The following ANKRD37 variants were observed in gnomAD, a reference collection of about 807,000 sequenced individuals.
ANKRD37 encodes the protein ankyrin repeat domain-containing protein 37.
Under a neutral mutation model 19.7 loss-of-function variants are expected in ANKRD37, and 17 were observed. That is an observed-to-expected ratio of 0.86 (90% CI 0.59 to 1.29). The LOEUF (loss-of-function observed/expected upper bound fraction) is 1.29, where lower values mean the gene tolerates loss of function less well. ANKRD37 is among the 50% of genes most tolerant of loss of function. The pLI is 0.00. For synonymous variants in ANKRD37, 79 were observed against 74.5 expected (o/e 1.06, Z -0.31); for missense variants, 207 against 190.4 (o/e 1.09, Z -0.51).
intron 2 of ANKRD37, 140 bp from the exon 3 acceptor site, chr4:185,398,794 CAAA>C (rs34434090): frequency 7.9e-3 from 1,992 of 251,838 alleles, no homozygotes; most frequent in Middle Eastern, 0.015. Flanking sequence ...TGTTCTCTGC[CAAA>C]AAAAAAAAAA....
chr4:185,399,775 T>A lies in ANKRD37; in HGVS notation c.476+2T>A, dbSNP rs2095510927. On this transcript the variant is annotated splice_donor_variant, in intron 4 of 4. Transcript: ENST00000335174. LOFTEE classifies it high-confidence loss of function. The stretch of plus-strand genomic sequence containing the variant: ...TACCAGTGGGAAAAGGAAGTGCTGG[T>A]AAGTAACTCAGAGCTGCTGCTTTTT... 2 of 1,613,956 alleles carry A rather than the reference T, an allele frequency of 1.2e-6. No homozygotes were observed. Among genetic ancestry groups the A allele is most frequent in the Non-Finnish European group, 1.7e-6 (2 of 1,179,960 alleles).
chr4:185,397,399 C>G, intron 2 of ANKRD37, 97 bp downstream of exon 2: 1 of 1,461,780 alleles, frequency 6.8e-7, no homozygotes, highest in Admixed American at 2.1e-5. Context: ...CTGTTAAAAA[C>G]ATGTCTATAG....
intron 2 of ANKRD37, chr4:185,397,600 T>G: frequency 6.1e-6 from 2 of 328,910 alleles, no homozygotes; most frequent in East Asian, 7.1e-5. Context: ...AAGCAATTGC[T>G]GATTAGATAT....
chr4:185,400,518 T>C, downstream of ANKRD37: 1 of 1,480,676 alleles, frequency 6.8e-7, no homozygotes, highest in South Asian at 1.2e-5. Context: ...TTTTACAAAG[T>C]TACAAGATTA....
chr4:185,399,502 T>C, intron 3 of ANKRD37, 68 bp from the exon 4 acceptor site: 1 of 1,484,408 alleles, frequency 6.7e-7, no homozygotes, highest in East Asian at 2.5e-5. Context: ...CAAAATTCCC[T>C]TGTAAGATAT....
chr4:185,397,220 C>G lies in ANKRD37; in HGVS notation c.98C>G (p.Ser33Trp), dbSNP rs776917043. 2 of 1,614,108 alleles carry G rather than the reference C, an allele frequency of 1.2e-6. No homozygotes were observed. The highest frequency in any genetic ancestry group is 8.5e-7 in the Non-Finnish European group (1 of 1,180,024). ...VNAPPDPCKQ[S>W]PVHLAAGSGL... ...GCACCCCCGGATCCCTGCAAGCAGT[C>G]GCCTGTCCACTTAGCCGCAGGAAGC... Residue 33 changes from serine to tryptophan, a missense_variant, in exon 2 of 5, where the codon TCG becomes TGG. By Grantham distance (177) the Ser-to-Trp change is radical. Coordinates refer to ENST00000335174, the MANE Select transcript of ANKRD37 (RefSeq NM_181726.4).
intron 2 of ANKRD37, 180 bp downstream of exon 2, chr4:185,397,482 G>A: frequency 2.5e-6 from 2 of 812,712 alleles, no homozygotes; most frequent in Non-Finnish European, 3.5e-6. Flanking sequence ...CTTGATGTGA[G>A]GACATGAGAA....
chr4:185,399,415 T>G, intron 3 of ANKRD37, 155 bp from the exon 4 acceptor site: 1 of 721,246 alleles, frequency 1.4e-6, no homozygotes, highest in Non-Finnish European at 2.3e-6. Flanking sequence ...TTGCTGAGGA[T>G]ACAATAGTGA....
chr4:185,397,500 GTTT>G, intron 2 of ANKRD37, 198 bp downstream of exon 2: 3 of 664,236 alleles, frequency 4.5e-6, no homozygotes, highest in Non-Finnish European at 4.6e-6. Flanking sequence ...GAAATTTGAA[GTTT>G]TTAAGTAGCC....
chr4:185,398,909 ACT>A (rs2095509521), intron 2 of ANKRD37, 26 bp from the exon 3 acceptor site: 1 of 1,583,186 alleles, frequency 6.3e-7, no homozygotes, highest in African/African-American at 1.4e-5. Context: ...TTTTTGGGAG[ACT>A]CTAAAATGCA....
Position 185,399,018 on chromosome 4 carries a change from G to A in ANKRD37, c.262G>A (p.Ala88Thr), listed in dbSNP as rs1239994414. The A allele has an allele frequency of 3.1e-6, 5 of 1,613,494 alleles. No individual in the cohort carries two copies. Among genetic ancestry groups the A allele is most frequent in the Non-Finnish European group, 4.2e-6 (5 of 1,179,668 alleles). The change falls in exon 3 of 5, where the codon GCC becomes ACC. Residue 88 changes from alanine (A) to threonine (T), a missense_variant. Physicochemically the swap from Ala to Thr is moderately conservative, Grantham distance 58. Coordinates refer to ENST00000335174, the MANE Select transcript of ANKRD37 (RefSeq NM_181726.4). ...CCTAAGCCTGCTTGTAGCCAGTGAT[G>A]CCCAAATTGAGTGAGTATGAAAACA... Reference protein sequence around the residue: ...ECLSLLVASDAQIDLCNKNGQ... With the variant: ...ECLSLLVASDTQIDLCNKNGQ...
In ANKRD37 at chr4:185,399,614, C is replaced by T. The variant is rs757623071; in HGVS notation, c.317C>T (p.Ser106Leu). 1 of 1,614,150 alleles carries T rather than the reference C, an allele frequency of 6.2e-7. No individual in the cohort carries two copies. Among genetic ancestry groups the T allele is most frequent in the South Asian group, 1.1e-5 (1 of 91,072 alleles). ...CAAACAGCTGAAGATCTCGCTTGGT[C>T]ATGTGGATTTCCAGACTGTGCCAAG... ...NGQTAEDLAW[S>L]CGFPDCAKFL... Residue 106 changes from serine (S) to leucine (L), a missense_variant, in exon 4 of 5, where the codon TCA becomes TTA. Physicochemically the swap from Ser to Leu is moderately radical, Grantham distance 145 (BLOSUM62 -2). Coordinates refer to ENST00000335174, the MANE Select transcript of ANKRD37 (RefSeq NM_181726.4).
chr4:185,398,310 CAAAAAT>C, intron 2 of ANKRD37, among the ~76,000 whole-genome samples: 1 of 151,846 alleles, frequency 6.6e-6, no homozygotes, highest in Admixed American at 6.6e-5. Context: ...AAGAACTAAT[CAAAAAT>C]AAAAAGCTTT....
chr4:185,400,390 T>C (rs1347634342), downstream of ANKRD37: 2 of 1,609,822 alleles, frequency 1.2e-6, no homozygotes, highest in Middle Eastern at 1.7e-4. Context: ...CTCCAAGATA[T>C]TTTAAATCAT....
intron 3 of ANKRD37, 118 bp from the exon 4 acceptor site, chr4:185,399,452 C>T: frequency 9.2e-7 from 1 of 1,092,506 alleles, no homozygotes. Flanking sequence ...CTTATGCATC[C>T]TTTACCTCTT....
chr4:185,400,173 T>C lies in ANKRD37; in HGVS notation c.*156T>C. 1.3e-6 allele frequency: 1 copy of C among 749,414 alleles called. No individual in the cohort carries two copies. The allele number at this position is 749,414 out of a possible 1,614,324, so 46.4% of individuals were successfully genotyped here. Reference sequence around the variant, plus strand: ...GAAGATCCATTTAAGAACACATGTATTTACATGCCTATAATATGCTGGTTG... The same window carrying C: ...GAAGATCCATTTAAGAACACATGTACTTACATGCCTATAATATGCTGGTTG... On this transcript the variant is annotated 3_prime_UTR_variant, in exon 5 of 5. Transcript: ENST00000335174.
intron 2 of ANKRD37, 105 bp from the exon 3 acceptor site, chr4:185,398,832 T>A: frequency 2.7e-6 from 2 of 744,210 alleles, no homozygotes; most frequent in Non-Finnish European, 4.5e-6. Context: ...TCCAGTACAA[T>A]GCAGTTCTAA....
chr4:185,399,616 T>C lies in ANKRD37; in HGVS notation c.319T>C (p.Cys107Arg). 6.2e-7 allele frequency: 1 copy of C among 1,614,210 alleles called. No individual in the cohort carries two copies. The highest frequency in any genetic ancestry group is 8.5e-7 in the Non-Finnish European group (1 of 1,180,024). Residue 107 changes from cysteine to arginine, a missense_variant, in exon 4 of 5, where the codon TGT becomes CGT. By Grantham distance (180) the Cys-to-Arg change is radical. Coordinates refer to ENST00000335174, the MANE Select transcript of ANKRD37 (RefSeq NM_181726.4). Reference protein sequence around the residue: ...GQTAEDLAWSCGFPDCAKFLT... With the variant: ...GQTAEDLAWSRGFPDCAKFLT... The stretch of plus-strand genomic sequence containing the variant: ...AACAGCTGAAGATCTCGCTTGGTCA[T>C]GTGGATTTCCAGACTGTGCCAAGTT...
At chr4:185,399,471 C>G (rs1341905835) in intron 3 of ANKRD37, 99 bp from the exon 4 acceptor site, 1 of 1,330,656 alleles carries the variant, frequency 7.5e-7, no homozygotes, top group Non-Finnish European at 1.0e-6. Flanking sequence ...TTCTGTTCTG[C>G]AACCAACATT....
Sources: allele counts gnomAD v4.1 joint callset (sites outside exome capture counted in the v4.1 genomes callset), GRCh38; gene constraint gnomAD v4.1.1; transcripts MANE v1.5; gene names NCBI Gene and HGNC (gene_info 2026-07-23, HGNC 2026-07-21).